Variants in CSMD1 observed in about 807,000 individuals in gnomAD.
CSMD1 encodes CUB and Sushi multiple domains 1, also known as CUB and sushi domain-containing protein 1.
Under a neutral mutation model 417.5 loss-of-function variants are expected in CSMD1, and 213 were observed. The observed-to-expected ratio is 0.51, with a 90% CI of 0.46 to 0.57. CSMD1 has a LOEUF of 0.57. Ranked by LOEUF, CSMD1 falls within the 20% of genes least tolerant of loss-of-function variation. CSMD1 has a pLI of 0.00. For synonymous variants in CSMD1, 2,862 were observed against 1,736.8 expected (o/e 1.65, Z -16.11); for missense variants, 6,923 against 4,529.7 (o/e 1.53, Z -15.17).
At chr8:4,709,778 G>A (rs918376205) in intron 1 of CSMD1, among the ~76,000 whole-genome samples, 2 of 152,198 alleles carry the variant, frequency 1.3e-5, no homozygotes, top group African/African-American at 4.8e-5. Flanking sequence ...CTCCCAGGGA[G>A]AAGTCACAGG....
intron 18 of CSMD1, among the ~76,000 whole-genome samples, chr8:3,376,792 TA>T (rs398112113): frequency 2.4e-4 from 28 of 118,284 alleles, no homozygotes; most frequent in African/African-American, 3.5e-4. Context: ...ATATTATAAT[TA>T]TTTTTTTTTC....
intron 1 of CSMD1, among the ~76,000 whole-genome samples, chr8:4,680,982 G>GAC (rs1484040772): frequency 1.3e-5 from 2 of 150,352 alleles, no homozygotes; most frequent in Non-Finnish European, 3.0e-5. Context: ...GTGTGAGAGA[G>GAC]AGAGAGAGAG....
Position 4,139,423 on chromosome 8 carries a change from T to G in CSMD1, c.416-107324A>C, listed in dbSNP as rs575681402. ...ACATTGCTGTGCTAAGCACTGGAGGTAAAGAACGAAGGAAGACTCTATGCC... is the reference window on the plus strand; with the variant it reads ...ACATTGCTGTGCTAAGCACTGGAGGGAAAGAACGAAGGAAGACTCTATGCC... On this transcript the variant is annotated intron_variant, in intron 3 of 69. Coordinates refer to ENST00000635120, the MANE Select transcript of CSMD1 (RefSeq NM_033225.6). 4.0e-5 allele frequency among the ~76,000 whole-genome samples: 6 copies of G among 151,436 alleles called. No individual in the cohort carries two copies. In the East Asian group the frequency reaches 1.2e-3, roughly 29 times the overall value.
intron 3 of CSMD1, among the ~76,000 whole-genome samples, chr8:4,309,240 AATTT>A (rs1798425861): frequency 6.6e-6 from 1 of 152,070 alleles, no homozygotes; most frequent in Admixed American, 6.6e-5. Context: ...CAAGACCCAT[AATTT>A]TAATTAATTC....
intron 3 of CSMD1, among the ~76,000 whole-genome samples, chr8:4,216,663 GTGAAGGGAA>G (rs1800690978): frequency 6.6e-6 from 1 of 152,134 alleles, no homozygotes; most frequent in Non-Finnish European, 1.5e-5. Flanking sequence ...AAATGACTGA[GTGAAGGGAA>G]GCTTCTCATG....
intron 2 of CSMD1, among the ~76,000 whole-genome samples, chr8:4,634,008 A>AC (rs1028239773): frequency 3.7e-4 from 57 of 152,042 alleles, no homozygotes; most frequent in African/African-American, 1.4e-3. Context: ...AAAAAAAAAA[A>AC]AACAATGAAG....
At chr8:3,113,348 T>G (rs1816651216) in intron 42 of CSMD1, 1 of 152,230 alleles carries the variant, frequency 6.6e-6, no homozygotes, top group Non-Finnish European at 1.5e-5. Flanking sequence ...GCGCAGGCAT[T>G]TCCGTGCTCA....
At position 3,879,200 on chromosome 8, in the gene CSMD1, C is replaced by A. The variant is rs919451715; in HGVS notation, c.818+118703G>T. Among the ~76,000 whole-genome samples, 7 of 152,026 alleles carry A rather than the reference C, an allele frequency of 4.6e-5. No homozygotes were observed. The South Asian group carries it at 1.0e-3, about 23-fold the overall frequency. On this transcript the variant is annotated intron_variant, in intron 5 of 69. Transcript: ENST00000635120. ...TTTATTACAGCACACTTCTCTTTGC[C>A]TAGAAATATACAGGTATGTATTTAT...
intron 1 of CSMD1, among the ~76,000 whole-genome samples, chr8:4,913,546 C>T (rs992048441): frequency 6.6e-6 from 1 of 152,194 alleles, no homozygotes; most frequent in Non-Finnish European, 1.5e-5. Context: ...AAGAGCTCTA[C>T]AGGGGAACGC....
chr8:3,404,185 T>C (rs1178758118), intron 15 of CSMD1, among the ~76,000 whole-genome samples: 1 of 152,044 alleles, frequency 6.6e-6, no homozygotes, highest in Non-Finnish European at 1.5e-5. Flanking sequence ...AATACAAAAA[T>C]TAGCCAGGCG....
intron 54 of CSMD1, among the ~76,000 whole-genome samples, chr8:2,985,572 T>C (rs936937129): frequency 2.6e-5 from 4 of 152,252 alleles, no homozygotes; most frequent in African/African-American, 7.2e-5. Flanking sequence ...TCCTTATAGT[T>C]TTCTTCTGAA....
chr8:4,992,911 T>G (rs993148335), intron 1 of CSMD1, among the ~76,000 whole-genome samples: 1 of 152,084 alleles, frequency 6.6e-6, no homozygotes, highest in Non-Finnish European at 1.5e-5. Flanking sequence ...GACACCCCCT[T>G]GTGAGGGTGG....
rs116068509 is a variant in CSMD1, at chr8:4,629,953, C to T, written c.302+7389G>A. On this transcript the variant is annotated intron_variant, in intron 2 of 69. Coordinates refer to ENST00000635120, the MANE Select transcript of CSMD1 (RefSeq NM_033225.6). Reference sequence around the variant, plus strand: ...AGGAAGCTCCTTCTCTCTAGCCAACCGCAATATTTGAATACTTTTCCACAC... The same window carrying T: ...AGGAAGCTCCTTCTCTCTAGCCAACTGCAATATTTGAATACTTTTCCACAC... Among the ~76,000 whole-genome samples, 579 of 152,082 alleles carry T rather than the reference C, an allele frequency of 3.8e-3. 7 individuals carry two copies. The highest frequency in any genetic ancestry group is 0.011 in the African/African-American group (447 of 41,484).
At chr8:3,046,513 T>C (rs1025362461) in intron 50 of CSMD1, among the ~76,000 whole-genome samples, 2 of 152,140 alleles carry the variant, frequency 1.3e-5, no homozygotes, top group Non-Finnish European at 2.9e-5. Flanking sequence ...TGTCTCCTGA[T>C]CCTCGCCCCC....
chr8:4,090,983 A>G (rs1320485595), intron 3 of CSMD1, among the ~76,000 whole-genome samples: 1 of 151,048 alleles, frequency 6.6e-6, no homozygotes, highest in Non-Finnish European at 1.5e-5. Context: ...CAGCGGTGCA[A>G]TCCTGGCTCA....
At chr8:3,737,407 C>G (rs184953781) in intron 6 of CSMD1, among the ~76,000 whole-genome samples, 37 of 152,274 alleles carry the variant, frequency 2.4e-4, no homozygotes, top group African/African-American at 8.4e-4. Context: ...AATGCTTTTA[C>G]TGATAAAGAA....
At chr8:3,072,966 C>G (rs1374244784) in intron 49 of CSMD1, among the ~76,000 whole-genome samples, 1 of 152,050 alleles carries the variant, frequency 6.6e-6, no homozygotes, top group Non-Finnish European at 1.5e-5. Flanking sequence ...AAAAATCTCC[C>G]CAGTCAACTC....
At chr8:3,324,728 C>A (rs1806411687) in intron 23 of CSMD1, among the ~76,000 whole-genome samples, 1 of 152,122 alleles carries the variant, frequency 6.6e-6, no homozygotes, top group African/African-American at 2.4e-5. Flanking sequence ...CCCCAGAGAC[C>A]CAGGACGGGG....
At chr8:4,779,482 T>C (rs1433530143) in intron 1 of CSMD1, among the ~76,000 whole-genome samples, 1 of 152,146 alleles carries the variant, frequency 6.6e-6, no homozygotes, top group Non-Finnish European at 1.5e-5. Flanking sequence ...ATTTTTTTCT[T>C]ATTTCCCTAT....
Sources: allele counts gnomAD v4.1 joint callset (sites outside exome capture counted in the v4.1 genomes callset), GRCh38; gene constraint gnomAD v4.1.1; transcripts MANE v1.5; gene names NCBI Gene and HGNC (gene_info 2026-07-23, HGNC 2026-07-21).